The following SPATA22 variants were observed in gnomAD, a reference collection of about 807,000 sequenced individuals.
The protein encoded by SPATA22 is spermatogenesis-associated protein 22.
In SPATA22, 29 loss-of-function variants were observed where a neutral mutation model predicts 47.8. That is an observed-to-expected ratio of 0.61 (90% confidence interval 0.45 to 0.83). The LOEUF (loss-of-function observed/expected upper bound fraction) is 0.83. Ranked by LOEUF, SPATA22 falls within the 40% of genes least tolerant of loss-of-function variation. The pLI is 0.00. For synonymous variants in SPATA22, 133 were observed against 140.9 expected, an observed-to-expected ratio of 0.94 and a Z score of 0.40; for missense variants, 410 against 421.7, an observed-to-expected ratio of 0.97 and a Z score of 0.24.
chr17:3,471,565 C>T, intron 1 of SPATA22, 117 bp downstream of exon 1: 1 of 985,324 alleles, frequency 1.0e-6, no homozygotes. Context: ...CAAATGGCGG[C>T]CTGTTTTGGC....
At chr17:3,469,429 G>T in intron 1 of SPATA22, 31 bp from the exon 2 acceptor site, 2 of 852,432 alleles carry the variant, frequency 2.3e-6, no homozygotes, top group Non-Finnish European at 3.6e-6. Context: ...AACTCGTATT[G>T]TCTCAACTAT....
Position 3,454,712 on chromosome 17 carries a change from G to C in SPATA22, c.330-5563C>G, listed in dbSNP as rs1322606352. Among the ~76,000 whole-genome samples, 4 of 151,874 alleles carry C rather than the reference G, an allele frequency of 2.6e-5. No individual in the cohort carries two copies. The East Asian group carries it at 7.7e-4, about 29-fold the overall frequency. ...TCCAGTCAATCATTGTTGGACATTT[G>C]GGTTGGTTCCAAGTCTTTGCTATTG... On this transcript the variant is annotated intron_variant, in intron 5 of 8. Transcript: ENST00000572969.
chr17:3,453,998 G>A (rs952979907), intron 5 of SPATA22, among the ~76,000 whole-genome samples: 1 of 151,840 alleles, frequency 6.6e-6, no homozygotes, highest in Admixed American at 6.6e-5. Context: ...TTAAGAAACT[G>A]TTAGAACTAA....
chr17:3,493,973 T>C (rs1488243685), intron 1 of SPATA22, among the ~76,000 whole-genome samples: 1 of 152,168 alleles, frequency 6.6e-6, no homozygotes, highest in Admixed American at 6.5e-5. Context: ...GCTGTCTTCA[T>C]TTTGTTATTG....
chr17:3,512,269 C>G (rs758928682), intron 1 of SPATA22: 1 of 152,256 alleles, frequency 6.6e-6, no homozygotes, highest in South Asian at 2.1e-4. Context: ...GCTTAGAGCA[C>G]GCGATTACTC....
intron 3 of SPATA22, among the ~76,000 whole-genome samples, chr17:3,465,192 C>T (rs2073268015): frequency 7.3e-6 from 1 of 136,106 alleles, no homozygotes; most frequent in Non-Finnish European, 1.6e-5. Flanking sequence ...CCGCCTCGTC[C>T]AGGAGGTGAG....
At chr17:3,504,607 G>A (rs1414616439) in intron 1 of SPATA22, among the ~76,000 whole-genome samples, 2 of 150,654 alleles carry the variant, frequency 1.3e-5, no homozygotes, top group Non-Finnish European at 2.9e-5. Context: ...GCCCAAGCTG[G>A]AGAGCAATGG....
intron 3 of SPATA22, among the ~76,000 whole-genome samples, chr17:3,464,405 G>C (rs1400065914): frequency 7.8e-6 from 1 of 128,394 alleles, no homozygotes; most frequent in Non-Finnish European, 2.0e-5. Context: ...CCGCCACCCC[G>C]TCTGGGAAGT....
chr17:3,476,437 G>T (rs760232798), upstream of SPATA22: 8 of 1,579,418 alleles, frequency 5.1e-6, no homozygotes, highest in East Asian at 1.6e-4. Flanking sequence ...TATGTTGTGT[G>T]AAAAGTGGTA....
rs184461874 is a variant in SPATA22 at position 3,452,805 on chromosome 17, G to A, written c.330-3656C>T. Among the ~76,000 whole-genome samples, 762 of 152,112 alleles carry A rather than the reference G, an allele frequency of 5.0e-3. 12 individuals are homozygous for A. Among genetic ancestry groups the A allele is most frequent in the Non-Finnish European group, 3.2e-3 (220 of 68,000 alleles). ...CACAGAAGAAATGGATAAATACCTA[G>A]AAACAAGCAACTTACCAAGATTGAA... is the stretch of plus-strand genomic sequence containing the variant. On this transcript the variant is annotated intron_variant, in intron 5 of 8. Coordinates refer to ENST00000572969, the MANE Select transcript of SPATA22 (RefSeq NM_001170698.2).
chr17:3,506,182 C>T (rs924580122), intron 1 of SPATA22, among the ~76,000 whole-genome samples: 11 of 152,174 alleles, frequency 7.2e-5, no homozygotes, highest in African/African-American at 2.4e-4. Context: ...TAGTACTTGG[C>T]AGACAGTAGT....
chr17:3,450,222 C>T (rs1208983687), intron 5 of SPATA22, among the ~76,000 whole-genome samples: 2 of 152,104 alleles, frequency 1.3e-5, no homozygotes, highest in African/African-American at 4.8e-5. Flanking sequence ...ACCAATACAA[C>T]CCATCCCCTA....
intron 5 of SPATA22, among the ~76,000 whole-genome samples, chr17:3,454,133 A>G (rs2072927640): frequency 6.6e-6 from 1 of 151,860 alleles, no homozygotes; most frequent in African/African-American, 2.4e-5. Flanking sequence ...AATAACACCA[A>G]AAAGAATAAA....
chr17:3,479,580 T>G lies in SPATA22; in HGVS notation c.-73-10182A>C, dbSNP rs867048650. 2.5e-4 allele frequency among the ~76,000 whole-genome samples: 38 copies of G among 152,218 alleles called. No individual in the cohort carries two copies. In the Middle Eastern group the frequency reaches 0.017, roughly 68 times the overall value. Reference sequence around the variant, plus strand: ...ACCTTCCCACAGCACTGTCTCAACATGGCCCCTTCCACCTTCCCACTGCAC... The same window carrying G: ...ACCTTCCCACAGCACTGTCTCAACAGGGCCCCTTCCACCTTCCCACTGCAC... On this transcript the variant is annotated intron_variant, in intron 1 of 8. Coordinates refer to the SPATA22 transcript ENST00000541913.
intron 1 of SPATA22, among the ~76,000 whole-genome samples, chr17:3,487,452 T>C (rs1208300218): frequency 1.3e-5 from 2 of 152,186 alleles, no homozygotes; most frequent in African/African-American, 4.8e-5. Flanking sequence ...GGGCCAAACA[T>C]ATCAGCAATG....
chr17:3,463,250 C>T (rs1448733068), intron 3 of SPATA22, among the ~76,000 whole-genome samples: 1 of 149,860 alleles, frequency 6.7e-6, no homozygotes, highest in Non-Finnish European at 1.5e-5. Context: ...GACAGGGATA[C>T]AGTCTAAGAA....
chr17:3,474,546 A>G (rs2073493751), upstream of SPATA22, among the ~76,000 whole-genome samples: 1 of 152,254 alleles, frequency 6.6e-6, no homozygotes, highest in Non-Finnish European at 1.5e-5. Context: ...TGTTCAGTGT[A>G]CATGGATGTG....
intron 2 of SPATA22, among the ~76,000 whole-genome samples, chr17:3,469,059 T>C (rs1567604758): frequency 6.6e-6 from 1 of 152,186 alleles, no homozygotes; most frequent in South Asian, 2.1e-4. Flanking sequence ...ATCGAATTTG[T>C]AGAAAGAATA....
At position 3,443,306 on chromosome 17, in the gene SPATA22, T is replaced by C. The variant is rs189611782; in HGVS notation, c.803-35A>G. On this transcript the variant is annotated intron_variant, in intron 7 of 8. Transcript: ENST00000572969. ...ATTGAAATGGGGGAAAAAATGAATG[T>C]TGGTAAACTGCAAATAAAATTTAAC... 14 of 1,448,658 alleles carry C rather than the reference T, an allele frequency of 9.7e-6. No individual in the cohort carries two copies. The Admixed American group carries it at 2.1e-4, about 22-fold the overall frequency. 89.7% of individuals were successfully genotyped at this position (1,448,658 alleles called of 1,614,324 possible). A position where few individuals can be genotyped will look rare whatever the true frequency, so the allele number is the denominator to read the frequency against.
Sources: allele counts gnomAD v4.1 joint callset (sites outside exome capture counted in the v4.1 genomes callset), GRCh38; gene constraint gnomAD v4.1.1; transcripts MANE v1.5; gene names NCBI Gene and HGNC (gene_info 2026-07-23, HGNC 2026-07-21).